The following PCBP3 variants were observed in gnomAD, a reference collection of about 807,000 sequenced individuals.
PCBP3 encodes the protein poly(rC)-binding protein 3.
In PCBP3, 25 loss-of-function variants were observed where a neutral mutation model predicts 52.7. That is an observed-to-expected ratio of 0.47 (90% CI 0.35 to 0.66). The LOEUF is 0.66. Ranked by LOEUF, PCBP3 falls within the 30% of genes least tolerant of loss-of-function variation. The probability of loss-of-function intolerance (pLI) is 0.01; values close to 1 mark genes in which losing one functional copy is unlikely to be tolerated. For missense variants in PCBP3, 391 were observed against 490.3 expected (o/e 0.80, Z 1.91); for synonymous variants, 162 against 183.0 (o/e 0.89, Z 0.93).
chr21:45,931,685 A>G (rs7283022), intron 15 of PCBP3, among the ~76,000 whole-genome samples: 278 of 129,086 alleles, frequency 2.2e-3, no homozygotes, highest in African/African-American at 7.9e-3. Context: ...TGAGATGAAC[A>G]AACACGTCGG....
At chr21:45,725,770 T>A (rs912561041) in intron 2 of PCBP3, among the ~76,000 whole-genome samples, 3 of 151,774 alleles carry the variant, frequency 2.0e-5, no homozygotes, top group Admixed American at 2.0e-4. Context: ...AAGGGAGGAC[T>A]TTCGGAGGAG....
At chr21:45,855,163 TTC>T (rs1278903466) in intron 5 of PCBP3, among the ~76,000 whole-genome samples, 1 of 152,122 alleles carries the variant, frequency 6.6e-6, no homozygotes. Context: ...CCCAAGTGCC[TTC>T]TCTCTCTCTG....
intron 4 of PCBP3, among the ~76,000 whole-genome samples, chr21:45,780,081 C>A (rs1012011966): frequency 2.0e-5 from 3 of 152,178 alleles, no homozygotes; most frequent in African/African-American, 7.2e-5. Flanking sequence ...AAAAAAAAAT[C>A]CTATACTTTT....
At chr21:45,920,238 C>G (rs933435010) in intron 13 of PCBP3, among the ~76,000 whole-genome samples, 3 of 152,148 alleles carry the variant, frequency 2.0e-5, no homozygotes, top group Admixed American at 6.5e-5. Context: ...GGCCACAGAG[C>G]CTAACGTTCT....
intron 2 of PCBP3, among the ~76,000 whole-genome samples, chr21:45,693,142 A>G (rs940148842): frequency 3.3e-5 from 5 of 152,140 alleles, no homozygotes; most frequent in Admixed American, 1.3e-4. Context: ...CGTCAACCTG[A>G]TAAAGGGCAT....
intron 4 of PCBP3, among the ~76,000 whole-genome samples, chr21:45,840,325 C>T (rs1215178848): frequency 2.6e-5 from 4 of 151,436 alleles, no homozygotes; most frequent in African/African-American, 7.3e-5. Context: ...GGCATGGTGG[C>T]GGGCGCCTGT....
chr21:45,852,718 C>G (rs1440473237), intron 5 of PCBP3, among the ~76,000 whole-genome samples: 3 of 152,130 alleles, frequency 2.0e-5, no homozygotes, highest in Non-Finnish European at 4.4e-5. Context: ...GATTTTTGTT[C>G]AGAAGGAACA....
rs546239411 is a variant in PCBP3 at position 45,720,943 on chromosome 21, C to G, written c.-199-14449C>G. ...CTCTCCAATGCCAGGATGGCCATAG[C>G]TTGGCTGGGTGTGGGGGCCCTTTCA... is the stretch of plus-strand genomic sequence containing the variant. On this transcript the variant is annotated intron_variant, in intron 2 of 17. Transcript: ENST00000681687. Among the ~76,000 whole-genome samples, 166 of 152,356 alleles carry G rather than the reference C, an allele frequency of 1.1e-3. 2 individuals are homozygous for G. The highest frequency in any genetic ancestry group is 3.9e-3 in the African/African-American group (161 of 41,588).
intron 11 of PCBP3, among the ~76,000 whole-genome samples, chr21:45,912,405 A>T (rs932358054): frequency 1.3e-4 from 20 of 152,166 alleles, no homozygotes; most frequent in African/African-American, 4.8e-4. Flanking sequence ...GTGACTGGAA[A>T]AATAAAGCCA....
intron 4 of PCBP3, among the ~76,000 whole-genome samples, chr21:45,842,860 G>A (rs1024137746): frequency 1.3e-5 from 2 of 152,304 alleles, no homozygotes; most frequent in South Asian, 4.1e-4. Flanking sequence ...GGTGCTGTGT[G>A]CGTCCTGTCC....
At chr21:45,912,251 C>G (rs1185673461) in intron 11 of PCBP3, among the ~76,000 whole-genome samples, 1 of 152,212 alleles carries the variant, frequency 6.6e-6, no homozygotes, top group Non-Finnish European at 1.5e-5. Context: ...ACAGGGAGCT[C>G]GTAGCAGACA....
chr21:45,672,976 C>T (rs1238068826), intron 2 of PCBP3, among the ~76,000 whole-genome samples: 1 of 152,066 alleles, frequency 6.6e-6, no homozygotes, highest in Non-Finnish European at 1.5e-5. Context: ...TTTTCTCTTC[C>T]CCCTGAGCTG....
intron 5 of PCBP3, among the ~76,000 whole-genome samples, chr21:45,893,324 G>T (rs527688352): frequency 6.6e-6 from 1 of 151,792 alleles, no homozygotes; most frequent in Non-Finnish European, 1.5e-5. Flanking sequence ...GCTGGGGGCA[G>T]TGGGGGTGGA....
At chr21:45,895,751 G>A (rs891631665) in intron 5 of PCBP3, among the ~76,000 whole-genome samples, 4 of 152,264 alleles carry the variant, frequency 2.6e-5, no homozygotes, top group Non-Finnish European at 5.9e-5. Flanking sequence ...CTTGGGACGT[G>A]AAGGGCCGGC....
chr21:45,930,799 T>C lies in PCBP3; in HGVS notation c.810T>C (p.Pro270=), dbSNP rs778942458. ...TNPAFPGEKL[P]LHSSEEAQNL... The stretch of plus-strand genomic sequence containing the variant: ...TTTGCTCTCCAGGAGAAAAGCTGCC[T>C]TTACACTCCTCCGAAGAAGCTCAAA... The change falls in exon 15 of 18, where the codon CCT becomes CCC. Residue 270 remains proline (P), a synonymous_variant. Transcript: ENST00000681687. 2.6e-5 allele frequency: 38 copies of C among 1,457,340 alleles called. No individual in the cohort carries two copies. The highest frequency in any genetic ancestry group is 4.8e-6 in the Non-Finnish European group (5 of 1,037,072). 90.3% of individuals were successfully genotyped at this position (1,457,340 alleles called of 1,614,324 possible). A position where few individuals can be genotyped will look rare whatever the true frequency, so the allele number is the denominator to read the frequency against.
At chr21:45,849,227 TCTCA>T (rs1423851950) in intron 4 of PCBP3, among the ~76,000 whole-genome samples, 2 of 143,136 alleles carry the variant, frequency 1.4e-5, no homozygotes, top group Admixed American at 7.5e-5. Flanking sequence ...TGAGACGGAG[TCTCA>T]CTCACTCTGT....
chr21:45,649,539 C>A (rs763079924), intron 1 of PCBP3, among the ~76,000 whole-genome samples: 3 of 152,156 alleles, frequency 2.0e-5, no homozygotes, highest in Non-Finnish European at 2.9e-5. Context: ...AGTCCTTTCC[C>A]CAGTGATCTG....
At chr21:45,651,772 T>C (rs896508574) in intron 1 of PCBP3, among the ~76,000 whole-genome samples, 4 of 152,168 alleles carry the variant, frequency 2.6e-5, no homozygotes, top group Admixed American at 2.0e-4. Context: ...AGCTCAAAGG[T>C]TGTAAATGTT....
chr21:45,881,908 G>A (rs905082501), intron 5 of PCBP3, among the ~76,000 whole-genome samples: 1 of 152,170 alleles, frequency 6.6e-6, no homozygotes, highest in Non-Finnish European at 1.5e-5. Context: ...GTGTATGTCT[G>A]TGTGTGACAT....
Sources: gnomAD v4.1 joint callset for allele counts (sites outside exome capture counted in the v4.1 genomes callset) on GRCh38, gnomAD v4.1.1 for gene constraint, MANE v1.5 for transcripts, NCBI Gene and HGNC (gene_info 2026-07-23, HGNC 2026-07-21) for gene names.